CLINT1: variants seen among roughly 807,000 people sequenced by gnomAD.
CLINT1 encodes the protein clathrin interactor 1.
In CLINT1, 15 loss-of-function variants were observed where a neutral mutation model predicts 70.4. The observed-to-expected ratio is 0.21, with a 90% CI of 0.14 to 0.33. The LOEUF is 0.33. Among genes scored for constraint, CLINT1 ranks in the 10% least tolerant of loss-of-function variants. CLINT1 has a pLI of 1.00. For missense variants in CLINT1, 615 were observed against 778.1 expected, an observed-to-expected ratio of 0.79 and a Z score of 2.49; for synonymous variants, 227 against 254.7, an observed-to-expected ratio of 0.89 and a Z score of 1.04.
intron 1 of CLINT1, among the ~76,000 whole-genome samples, chr5:157,821,762 C>A (rs566754255): frequency 4.1e-4 from 63 of 152,082 alleles, no homozygotes; most frequent in African/African-American, 1.4e-3. Context: ...GCTAACAATA[C>A]CAAATCTTAA....
chr5:157,790,279 G>T (rs1761861948), intron 10 of CLINT1: 1 of 171,526 alleles, frequency 5.8e-6, no homozygotes, highest in Non-Finnish European at 1.3e-5. Context: ...CTGTCAAAAA[G>T]CAATTTATAT....
chr5:157,843,218 G>T (rs1753253229), intron 1 of CLINT1, among the ~76,000 whole-genome samples: 1 of 151,952 alleles, frequency 6.6e-6, no homozygotes. Context: ...CCTAAAAATG[G>T]CCTTTGTTCA....
chr5:157,814,236 C>T lies in CLINT1; in HGVS notation c.301G>A (p.Ala101Thr). The T allele has an allele frequency of 6.2e-7, 1 of 1,611,036 alleles. No homozygotes were observed. The highest frequency in any genetic ancestry group is 1.3e-5 in the African/African-American group (1 of 74,978). Residue 101 changes from alanine (A) to threonine (T), a missense_variant, in exon 4 of 12, where the codon GCC becomes ACC. Ala to Thr is a moderately conservative substitution (Grantham distance 58, BLOSUM62 0). Around this residue, in one of 2 missense-constraint regions of CLINT1, gnomAD observed 241 missense variants for 368.6 expected, o/e 0.65. Coordinates refer to ENST00000411809, the MANE Select transcript of CLINT1 (RefSeq NM_014666.4). ...CGTAAATCATAAATGTGTTCTCTGG[C>T]ACTTGTAACAACACGCTCTGATCCA... ...RNGSERVVTS[A>T]REHIYDLRSL...
rs566642052 is a variant in CLINT1 at position 157,814,418 on chromosome 5, T to G, written c.244-125A>C. On this transcript the variant is annotated intron_variant, in intron 3 of 11. Transcript: ENST00000411809. ...ATCTTCATGCTGGTGGTGAGGTTTC[T>G]TTACATTAGACTTTAAACACATAAT... 1.4e-5 allele frequency: 9 copies of G among 662,302 alleles called. No homozygotes were observed. The African/African-American group carries it at 1.6e-4, about 12-fold the overall frequency. The allele number at this position is 662,302 out of a possible 1,614,324, so 41.0% of individuals were successfully genotyped here. A position where few individuals can be genotyped will look rare whatever the true frequency, so the allele number is the denominator to read the frequency against.
At chr5:157,830,742 C>T in intron 1 of CLINT1, among the ~76,000 whole-genome samples, 1 of 134,600 alleles carries the variant, frequency 7.4e-6, no homozygotes, top group African/African-American at 2.9e-5. Context: ...CTCTCCCTGC[C>T]CCTCCCTCTC....
chr5:157,795,163 C>T lies in CLINT1; in HGVS notation c.1013-191G>A. 6 of 589,780 alleles carry T rather than the reference C, an allele frequency of 1.0e-5. No homozygotes were observed. The South Asian group carries it at 1.3e-4, about 13-fold the overall frequency. The allele number at this position is 589,780 out of a possible 1,614,324, so 36.5% of individuals were successfully genotyped here. ...CCTATGAGCTACCATAGACTCTTTT[C>T]CCTTCCTCAGTCCTATATCTAGTAA... is the stretch of plus-strand genomic sequence containing the variant. On this transcript the variant is annotated intron_variant, in intron 8 of 11. Coordinates refer to ENST00000411809, the MANE Select transcript of CLINT1 (RefSeq NM_014666.4).
intron 2 of CLINT1, 107 bp from the exon 3 acceptor site, chr5:157,816,937 A>G: frequency 1.3e-6 from 1 of 752,558 alleles, no homozygotes; most frequent in East Asian, 2.8e-5. Flanking sequence ...AAAAATTAAT[A>G]AACTTAATTC....
intron 5 of CLINT1, among the ~76,000 whole-genome samples, chr5:157,811,298 T>C (rs1471779592): frequency 6.6e-6 from 1 of 151,940 alleles, no homozygotes; most frequent in Non-Finnish European, 1.5e-5. Context: ...TCCCAGCACT[T>C]TGGGAGGCCA....
intron 3 of CLINT1, among the ~76,000 whole-genome samples, chr5:157,815,535 G>A (rs1344360689): frequency 1.3e-5 from 2 of 152,124 alleles, no homozygotes; most frequent in Non-Finnish European, 2.9e-5. Context: ...AATCTAGTTA[G>A]GCGGAAAGGA....
At chr5:157,835,599 CAAAT>C (rs1357707256) in intron 1 of CLINT1, among the ~76,000 whole-genome samples, 6 of 151,962 alleles carry the variant, frequency 3.9e-5, no homozygotes, top group Middle Eastern at 3.4e-3. Context: ...GAAAAACTGA[CAAAT>C]GAATATGTAA....
At chr5:157,800,817 A>T (rs1001883783) in intron 8 of CLINT1, among the ~76,000 whole-genome samples, 1 of 152,188 alleles carries the variant, frequency 6.6e-6, no homozygotes, top group Non-Finnish European at 1.5e-5. Flanking sequence ...TAAAGGAAGC[A>T]TGTTGGTATT....
intron 1 of CLINT1, among the ~76,000 whole-genome samples, chr5:157,820,848 A>G (rs1282615387): frequency 6.6e-6 from 1 of 152,126 alleles, no homozygotes; most frequent in East Asian, 1.9e-4. Context: ...TAGAGGGGGC[A>G]CTCTCAACGG....
chr5:157,844,512 G>A (rs984416827), intron 1 of CLINT1, among the ~76,000 whole-genome samples: 2 of 152,242 alleles, frequency 1.3e-5, no homozygotes, highest in Non-Finnish European at 2.9e-5. Flanking sequence ...CTCAGTGAAG[G>A]ACCCTTACAA....
intron 1 of CLINT1, among the ~76,000 whole-genome samples, chr5:157,833,007 G>T (rs254663): frequency 0.32 from 48,438 of 151,994 alleles, 8,475 homozygotes; most frequent in East Asian, 0.76. Context: ...CTTACTAATT[G>T]AAACTGAGCT....
rs1204319088 is a variant in CLINT1 at position 157,813,272 on chromosome 5, A to G, written c.353-45T>C. On this transcript the variant is annotated intron_variant, in intron 4 of 11. Transcript: ENST00000411809. ...TAAGCAAAACCTAAGAATTCACTTA[A>G]TATGTATCAAGCTCTTTAAGATTAA... The G allele has an allele frequency of 1.9e-6, 3 of 1,547,358 alleles. No homozygotes were observed. In the South Asian group the frequency reaches 3.5e-5, roughly 18 times the overall value.
intron 1 of CLINT1, among the ~76,000 whole-genome samples, chr5:157,841,869 A>T (rs1468707783): frequency 6.6e-6 from 1 of 152,160 alleles, no homozygotes; most frequent in Non-Finnish European, 1.5e-5. Flanking sequence ...GGGCTCAACA[A>T]ATCCTCCCTC....
intron 8 of CLINT1, among the ~76,000 whole-genome samples, chr5:157,796,753 A>G (rs1025373447): frequency 1.3e-5 from 2 of 152,218 alleles, no homozygotes; most frequent in Non-Finnish European, 2.9e-5. Flanking sequence ...GGCCAACAGT[A>G]ATAAAAGGAA....
chr5:157,812,023 T>A (rs1167908100), intron 5 of CLINT1, among the ~76,000 whole-genome samples: 1 of 150,870 alleles, frequency 6.6e-6, no homozygotes, highest in African/African-American at 2.4e-5. Flanking sequence ...TAGCCCTATT[T>A]AAAAAAAAGA....
intron 7 of CLINT1, 78 bp downstream of exon 7, chr5:157,805,788 G>A (rs1762367058): frequency 6.5e-7 from 1 of 1,539,004 alleles, no homozygotes; most frequent in Non-Finnish European, 8.9e-7. Context: ...AAATGCCCAA[G>A]CCTACTAATG....
Sources: allele counts gnomAD v4.1 joint callset (sites outside exome capture counted in the v4.1 genomes callset), GRCh38; gene constraint gnomAD v4.1.1; regional missense constraint gnomAD v4.1.1; transcripts MANE v1.5; gene names NCBI Gene and HGNC (gene_info 2026-07-23, HGNC 2026-07-21).